The following CHCHD3 variants were observed in gnomAD, a reference collection of about 807,000 sequenced individuals.
CHCHD3 encodes MICOS complex subunit MIC19.
CHCHD3 carries 20 observed loss-of-function variants against 38.2 expected under a neutral mutation model. The ratio of observed to expected loss-of-function variants is 0.52; its 90% CI spans 0.37 to 0.76. The LOEUF is 0.76. Ranked by LOEUF, CHCHD3 falls within the 30% of genes least tolerant of loss-of-function variation. The probability of loss-of-function intolerance (pLI) is 0.00; values close to 1 mark genes in which losing one functional copy is unlikely to be tolerated. For synonymous variants in CHCHD3, 82 were observed against 100.0 expected, an observed-to-expected ratio of 0.82 and a Z score of 1.07; for missense variants, 245 against 279.2, an observed-to-expected ratio of 0.88 and a Z score of 0.87.
chr7:132,870,573 A>G (rs1242504088), intron 5 of CHCHD3, among the ~76,000 whole-genome samples: 1 of 151,622 alleles, frequency 6.6e-6, no homozygotes, highest in Non-Finnish European at 1.5e-5. Flanking sequence ...CCACATCCCC[A>G]AGGAAGTACA....
intron 4 of CHCHD3, among the ~76,000 whole-genome samples, chr7:132,895,913 GT>G (rs1187814177): frequency 6.6e-6 from 1 of 152,202 alleles, no homozygotes; most frequent in Non-Finnish European, 1.5e-5. Context: ...TCTGTCTCAG[GT>G]GAAACTTTCT....
intron 6 of CHCHD3, among the ~76,000 whole-genome samples, chr7:132,830,471 T>C (rs892950346): frequency 6.6e-6 from 1 of 152,212 alleles, no homozygotes; most frequent in African/African-American, 2.4e-5. Flanking sequence ...ACTTTCTCAG[T>C]TAACTTTTAA....
At chr7:133,045,279 A>G (rs1052959902) in intron 2 of CHCHD3, among the ~76,000 whole-genome samples, 6 of 152,018 alleles carry the variant, frequency 3.9e-5, no homozygotes, top group Non-Finnish European at 8.8e-5. Flanking sequence ...AGAGGTTCAG[A>G]CTCACCCAGT....
At chr7:133,064,039 C>A (rs1237771044) in intron 2 of CHCHD3, among the ~76,000 whole-genome samples, 1 of 152,210 alleles carries the variant, frequency 6.6e-6, no homozygotes, top group African/African-American at 2.4e-5. Context: ...ACTTTCCATA[C>A]CTCTTATACA....
intron 3 of CHCHD3, among the ~76,000 whole-genome samples, chr7:132,978,338 C>T (rs541154478): frequency 5.3e-5 from 8 of 152,130 alleles, no homozygotes; most frequent in Non-Finnish European, 1.2e-4. Context: ...CTAAGGACTT[C>T]TAAAATCACA....
intron 1 of CHCHD3, 61 bp from the exon 2 acceptor site, chr7:133,070,290 A>G: frequency 4.4e-6 from 6 of 1,376,156 alleles, no homozygotes; most frequent in South Asian, 1.2e-5. Context: ...AACCAGTGCA[A>G]TAACATCCAA....
intron 3 of CHCHD3, among the ~76,000 whole-genome samples, chr7:132,989,902 T>C (rs1257663971): frequency 6.6e-6 from 1 of 152,142 alleles, no homozygotes; most frequent in Non-Finnish European, 1.5e-5. Flanking sequence ...GTCATAATAT[T>C]CAATATACGG....
chr7:133,021,169 T>G (rs1191555201), intron 3 of CHCHD3, among the ~76,000 whole-genome samples: 3 of 152,206 alleles, frequency 2.0e-5, no homozygotes, highest in African/African-American at 7.2e-5. Context: ...TTTGCCTACT[T>G]TTTCCTTCTT....
chr7:132,791,071 A>G (rs1806448622), intron 7 of CHCHD3, among the ~76,000 whole-genome samples: 1 of 152,202 alleles, frequency 6.6e-6, no homozygotes, highest in South Asian at 2.1e-4. Context: ...AGGACCTCTG[A>G]AAGGTCAAAG....
intron 1 of CHCHD3, among the ~76,000 whole-genome samples, chr7:133,077,694 T>C (rs1234155984): frequency 6.6e-6 from 1 of 152,228 alleles, no homozygotes; most frequent in Non-Finnish European, 1.5e-5. Context: ...ACATGTAATA[T>C]GAGTAATGAA....
At chr7:132,927,507 C>G (rs927404393) in intron 4 of CHCHD3, among the ~76,000 whole-genome samples, 4 of 152,286 alleles carry the variant, frequency 2.6e-5, no homozygotes, top group Admixed American at 2.6e-4. Context: ...TCGCCCAGGC[C>G]TTTTATAATA....
At chr7:132,883,823 T>G (rs1381495791) in intron 5 of CHCHD3, among the ~76,000 whole-genome samples, 18 of 152,194 alleles carry the variant, frequency 1.2e-4, no homozygotes, top group Admixed American at 1.2e-3. Flanking sequence ...TTCAATGTCT[T>G]AAGTGTCCTG....
intron 4 of CHCHD3, among the ~76,000 whole-genome samples, chr7:132,893,673 A>G (rs1244506238): frequency 4.6e-5 from 7 of 152,202 alleles, no homozygotes; most frequent in Non-Finnish European, 1.5e-5. Flanking sequence ...CCTGGTGGGA[A>G]GTGGTTGGAT....
rs533534038 is a variant in CHCHD3 at position 133,044,759 on chromosome 7, G to C, written c.170-20132C>G. On this transcript the variant is annotated intron_variant, in intron 2 of 7. Coordinates refer to ENST00000262570, the MANE Select transcript of CHCHD3 (RefSeq NM_017812.4). ...GTCAAGGGAGAGAATGTATATGGCA[G>C]AAGAGCAGTCCACTGGATGGGTCTG... is the stretch of plus-strand genomic sequence containing the variant. 3.0e-4 allele frequency among the ~76,000 whole-genome samples: 45 copies of C among 152,256 alleles called. 1 individual carries two copies. The highest frequency in any genetic ancestry group is 5.6e-4 in the Non-Finnish European group (38 of 68,038).
At chr7:132,846,097 C>T (rs1157061778) in intron 5 of CHCHD3, among the ~76,000 whole-genome samples, 2 of 152,144 alleles carry the variant, frequency 1.3e-5, no homozygotes, top group African/African-American at 2.4e-5. Flanking sequence ...TTTCTATATC[C>T]GTGACCCCAG....
intron 3 of CHCHD3, among the ~76,000 whole-genome samples, chr7:133,016,907 G>A (rs982339327): frequency 8.5e-5 from 13 of 152,158 alleles, no homozygotes; most frequent in African/African-American, 2.7e-4. Context: ...ACGGACTTCC[G>A]GATTAAGGAA....
chr7:133,067,219 C>T (rs1814694288), intron 2 of CHCHD3, among the ~76,000 whole-genome samples: 1 of 152,170 alleles, frequency 6.6e-6, no homozygotes, highest in South Asian at 2.1e-4. Context: ...ATCATTACTT[C>T]AGTATATTGA....
intron 4 of CHCHD3, among the ~76,000 whole-genome samples, chr7:132,889,322 A>T (rs760026205): frequency 6.6e-6 from 1 of 151,954 alleles, no homozygotes; most frequent in Non-Finnish European, 1.5e-5. Context: ...ACAAAGTGAG[A>T]TTTTTTAAAA....
intron 3 of CHCHD3, among the ~76,000 whole-genome samples, chr7:133,011,475 T>C (rs1812871826): frequency 6.6e-6 from 1 of 152,186 alleles, no homozygotes; most frequent in Admixed American, 6.5e-5. Flanking sequence ...TGAACAATTC[T>C]TTGTTGTAGA....
Sources: gnomAD v4.1 joint callset for allele counts (sites outside exome capture counted in the v4.1 genomes callset) on GRCh38, gnomAD v4.1.1 for gene constraint, MANE v1.5 for transcripts, NCBI Gene and HGNC (gene_info 2026-07-23, HGNC 2026-07-21) for gene names.